Variants in MAX observed in about 807,000 individuals in gnomAD.
MAX encodes MYC associated transcriptional regulator X, also known as protein max.
A neutral mutation model predicts 22.3 loss-of-function variants in MAX; 3 were observed. The observed-to-expected ratio is 0.13, with a 90% CI of 0.06 to 0.35. The LOEUF is 0.35. MAX is among the 10% of genes least tolerant of loss of function. MAX has a pLI of 1.00. For missense variants in MAX, 119 were observed against 209.4 expected (o/e 0.57, Z 2.66); for synonymous variants, 72 against 77.7 (o/e 0.93, Z 0.39).
chr14:65,062,841 A>G lies in MAX; in HGVS notation c.171+30867T>C, dbSNP rs2062889100. 6.6e-6 allele frequency among the ~76,000 whole-genome samples: 1 copy of G among 152,130 alleles called. No individual in the cohort carries two copies. The highest frequency in any genetic ancestry group is 6.5e-5 in the Admixed American group (1 of 15,280). On this transcript the variant is annotated intron_variant, in intron 3 of 3. Transcript: ENST00000341653. This position sits in a 1 kb window ranked among gnomAD's most constrained non-coding sequence, Gnocchi z 4.3. ...GTAGAGGAAGCCGTGGGCCTAACAG[A>G]GAGTGGGAAGAGATGTTTTCCAAGC...
chr14:65,066,611 T>G (rs1390634353), intron 3 of MAX, among the ~76,000 whole-genome samples: 4 of 152,042 alleles, frequency 2.6e-5, no homozygotes, highest in Admixed American at 2.6e-4. Flanking sequence ...TCCCAACACT[T>G]TGGGAGGCCA....
At chr14:65,036,879 C>T (rs2062204411) in intron 3 of MAX, among the ~76,000 whole-genome samples, 1 of 152,068 alleles carries the variant, frequency 6.6e-6, no homozygotes, top group Non-Finnish European at 1.5e-5. Context: ...CTCAAGTGAT[C>T]TGCCCTCCTG....
intron 3 of MAX, among the ~76,000 whole-genome samples, chr14:65,041,677 C>G (rs1490628459): frequency 6.6e-6 from 1 of 152,158 alleles, no homozygotes; most frequent in African/African-American, 2.4e-5. Flanking sequence ...TCTGTTGTAC[C>G]CTGTAGACAT....
chr14:65,065,989 C>T (rs926703052), intron 3 of MAX, among the ~76,000 whole-genome samples: 1 of 152,210 alleles, frequency 6.6e-6, no homozygotes, highest in African/African-American at 2.4e-5. Context: ...TATCTGCTGC[C>T]TCCAAAGCCC....
At chr14:65,006,607 G>T (rs1396562253) in intron 3 of MAX, among the ~76,000 whole-genome samples, 1 of 152,158 alleles carries the variant, frequency 6.6e-6, no homozygotes, top group Non-Finnish European at 1.5e-5. Context: ...TGTTGTTGTG[G>T]TTGTACCCCC....
Position 65,077,213 on chromosome 14 carries a change from CAGTA to C in MAX, c.296-554_296-551del. 2.8e-6 allele frequency: 2 copies of C among 706,634 alleles called. No individual in the cohort carries two copies. Among genetic ancestry groups the C allele is most frequent in the Non-Finnish European group, 5.0e-6 (2 of 399,140 alleles). The allele number at this position is 706,634 out of a possible 1,614,324, so 43.8% of individuals were successfully genotyped here. ...GCCCCTACATGCAGGCTGCCTGGCC[CAGTA>C]ACCAACCCACTGACACCACCCACTG... On this transcript the variant is annotated intron_variant, in intron 4 of 4. Transcript: ENST00000358664. This position sits in a 1 kb window ranked among gnomAD's most constrained non-coding sequence, Gnocchi z 6.3.
chr14:65,040,684 C>A, intron 3 of MAX: 5 of 1,161,828 alleles, frequency 4.3e-6, no homozygotes, highest in East Asian at 4.6e-5. Flanking sequence ...TGTGATGGTT[C>A]ACACCTTAAT....
intron 3 of MAX, among the ~76,000 whole-genome samples, chr14:65,065,014 G>C (rs1232684518): frequency 1.3e-5 from 2 of 152,244 alleles, no homozygotes; most frequent in East Asian, 3.8e-4. Context: ...AATTTGTTCA[G>C]GTTGGGAGTA....
intron 3 of MAX, among the ~76,000 whole-genome samples, chr14:65,035,552 CCG>C (rs1018221148): frequency 3.3e-5 from 5 of 152,076 alleles, no homozygotes; most frequent in Non-Finnish European, 1.5e-5. Flanking sequence ...TTTTTTGAGA[CCG>C]AGTCTTGCTC....
At chr14:65,095,108 T>G (rs1473130738) in intron 2 of MAX, among the ~76,000 whole-genome samples, 1 of 152,242 alleles carries the variant, frequency 6.6e-6, no homozygotes, top group East Asian at 1.9e-4. Flanking sequence ...AATTCTCCTG[T>G]TATTTAATCC....
Position 65,077,029 on chromosome 14 carries a change from G to T in MAX, c.296-366C>A. ...GGCCCAGGAGCATGAGGCTCCACAAGGTGTGAGGCCACACAACAGCAGGAA... is the reference window on the plus strand; with the variant it reads ...GGCCCAGGAGCATGAGGCTCCACAATGTGTGAGGCCACACAACAGCAGGAA... On this transcript the variant is annotated intron_variant, in intron 4 of 4. Coordinates refer to ENST00000358664, the MANE Select transcript of MAX (RefSeq NM_002382.5). The surrounding 1 kb of genome is among the most constrained non-coding windows in gnomAD (Gnocchi z 6.3). 1 of 544,924 alleles carries T rather than the reference G, an allele frequency of 1.8e-6. No individual in the cohort carries two copies. The highest frequency in any genetic ancestry group is 1.9e-5 in the African/African-American group (1 of 53,010). 33.8% of individuals were successfully genotyped at this position (544,924 alleles called of 1,614,324 possible).
intron 3 of MAX, among the ~76,000 whole-genome samples, chr14:65,025,651 T>TA (rs2061966699): frequency 1.3e-5 from 2 of 151,926 alleles, no homozygotes; most frequent in South Asian, 4.2e-4. Context: ...CCCATCTTTA[T>TA]AAAAAATACA....
At chr14:65,068,698 C>T (rs1182058273) in intron 3 of MAX, among the ~76,000 whole-genome samples, 5 of 152,158 alleles carry the variant, frequency 3.3e-5, no homozygotes, top group Non-Finnish European at 1.5e-5. Flanking sequence ...CACTTTCTTA[C>T]TTTCAATAAT....
At chr14:65,102,668 C>A, upstream of MAX, 2 of 938,148 alleles carry the variant, frequency 2.1e-6, no homozygotes, top group Non-Finnish European at 1.3e-6. Flanking sequence ...CGGAAGAAAC[C>A]GCATCCAGGC....
chr14:65,099,299 T>G (rs1421141553), intron 2 of MAX, among the ~76,000 whole-genome samples: 2 of 152,106 alleles, frequency 1.3e-5, no homozygotes, highest in Non-Finnish European at 2.9e-5. Context: ...ATAGATGTGT[T>G]AAATTAAAAA....
At chr14:65,046,246 G>A (rs1360827217) in intron 3 of MAX, among the ~76,000 whole-genome samples, 1 of 152,170 alleles carries the variant, frequency 6.6e-6, no homozygotes, top group Non-Finnish European at 1.5e-5. Flanking sequence ...AAAGTGCTGG[G>A]ATTACAGGCG....
downstream of MAX, among the ~76,000 whole-genome samples, chr14:65,073,424 T>C (rs1359333947): frequency 2.0e-5 from 3 of 152,204 alleles, no homozygotes; most frequent in Non-Finnish European, 4.4e-5. Flanking sequence ...GTTGATGTTT[T>C]ACAATGGGGT....
chr14:65,085,260 A>G (rs1380671970), intron 3 of MAX, among the ~76,000 whole-genome samples: 2 of 152,208 alleles, frequency 1.3e-5, no homozygotes, highest in East Asian at 1.9e-4. Flanking sequence ...TTATATTTAA[A>G]ATGCAATTGT....
At chr14:65,060,329 C>T (rs1054677698) in intron 3 of MAX, among the ~76,000 whole-genome samples, 1 of 151,712 alleles carries the variant, frequency 6.6e-6, no homozygotes, top group Non-Finnish European at 1.5e-5. Flanking sequence ...TGGCTCACAC[C>T]TGTAACCCCA....
Sources: allele counts gnomAD v4.1 joint callset (sites outside exome capture counted in the v4.1 genomes callset), GRCh38; gene constraint gnomAD v4.1.1; non-coding constraint Gnocchi (gnomAD v3.1); transcripts MANE v1.5; gene names NCBI Gene and HGNC (gene_info 2026-07-23, HGNC 2026-07-21).